The following DAPK1 variants were observed in gnomAD, a reference collection of about 807,000 sequenced individuals.
The protein encoded by DAPK1 is death associated protein kinase 1, also known as death-associated protein kinase 1.
A neutral mutation model predicts 144.9 loss-of-function variants in DAPK1; 56 were observed. The observed-to-expected ratio is 0.39, with a 90% CI of 0.31 to 0.48. The LOEUF (loss-of-function observed/expected upper bound fraction) is 0.48. Ranked by LOEUF, DAPK1 falls within the 20% of genes least tolerant of loss-of-function variation. DAPK1 has a pLI of 0.95. For missense variants in DAPK1, 1,454 were observed against 1,875.4 expected, an observed-to-expected ratio of 0.78 and a Z score of 4.15; for synonymous variants, 690 against 749.0, an observed-to-expected ratio of 0.92 and a Z score of 1.29.
intron 2 of DAPK1, among the ~76,000 whole-genome samples, chr9:87,525,087 G>T (rs1480380398): frequency 1.3e-5 from 2 of 152,274 alleles, no homozygotes; most frequent in East Asian, 3.9e-4. Context: ...TGTGAACAGT[G>T]CACCCTGAGG....
Position 87,642,005 on chromosome 9 carries a change from T to C in DAPK1, c.865T>C (p.Ser289Pro). Residue 289 changes from serine (S) to proline (P), a missense_variant, in exon 10 of 26, where the codon TCA (serine) becomes CCA (proline). This residue lies in a region of DAPK1 where 429 missense variants were observed against 637.5 expected (regional missense o/e 0.67). Coordinates refer to ENST00000408954, the MANE Select transcript of DAPK1 (RefSeq NM_004938.4). ...DTQQALSRKA[S>P]AVNMEKFKKF... is the part of the protein sequence containing the mutation. ...ACAACAGGCACTTAGTAGAAAAGCATCAGCAGTAAACATGGAGAAATTCAA... is the reference window on the plus strand; with the variant it reads ...ACAACAGGCACTTAGTAGAAAAGCACCAGCAGTAAACATGGAGAAATTCAA... 2 of 1,614,108 alleles carry C rather than the reference T, an allele frequency of 1.2e-6. No homozygotes were observed. The highest frequency in any genetic ancestry group is 1.7e-6 in the Non-Finnish European group (2 of 1,180,000).
intron 10 of DAPK1, 113 bp downstream of exon 10, chr9:87,642,171 C>A: frequency 2.6e-6 from 2 of 775,140 alleles, no homozygotes; most frequent in Non-Finnish European, 4.2e-6. Context: ...ATCCTTTCCT[C>A]TTTTTAATCC....
rs1830255314 is a variant in DAPK1, at chr9:87,646,011, C to T, written c.1128C>T (p.Asn376=). The T allele has an allele frequency of 6.2e-7, 1 of 1,613,910 alleles. No individual in the cohort carries two copies. Among genetic ancestry groups the T allele is most frequent in the East Asian group, 2.2e-5 (1 of 44,884 alleles). Residue 376 remains asparagine (N), a synonymous_variant, in exon 12 of 26, where the codon AAC becomes AAT. Coordinates refer to ENST00000408954, the MANE Select transcript of DAPK1 (RefSeq NM_004938.4). ...CCAACTATGATGTTAACCAACCCAA[C>T]AAGGTCTGGTTCTGTTCTGCCGCAT... ...SLSNYDVNQP[N]KHGTPPLLIA... is the part of the protein sequence containing the mutation.
At chr9:87,600,877 G>T (rs1208667339) in intron 2 of DAPK1, among the ~76,000 whole-genome samples, 1 of 152,182 alleles carries the variant, frequency 6.6e-6, no homozygotes, top group Non-Finnish European at 1.5e-5. Context: ...GCGTGGTTGT[G>T]GCAGTGGCCT....
chr9:87,525,186 G>T, intron 2 of DAPK1: 1 of 744,916 alleles, frequency 1.3e-6, no homozygotes, highest in Non-Finnish European at 2.3e-6. Flanking sequence ...CTGTGTGTTT[G>T]GATGAGTACC....
chr9:87,669,390 GTAA>G (rs1279884874), intron 19 of DAPK1, among the ~76,000 whole-genome samples: 2 of 151,858 alleles, frequency 1.3e-5, no homozygotes, highest in African/African-American at 4.8e-5. Flanking sequence ...TTGTATATAG[GTAA>G]TAATCTCTAC....
chr9:87,583,415 A>T lies in DAPK1; in HGVS notation c.63-21539A>T, dbSNP rs570468315. 3.9e-5 allele frequency among the ~76,000 whole-genome samples: 6 copies of T among 152,354 alleles called. No individual in the cohort carries two copies. The East Asian group carries it at 1.2e-3, about 29-fold the overall frequency. ...CTCAGCACTCTACCCTCAAATGCGTACAGCAAATGTAACGAGCCCCAAGCA... is the reference window on the plus strand; with the variant it reads ...CTCAGCACTCTACCCTCAAATGCGTTCAGCAAATGTAACGAGCCCCAAGCA... On this transcript the variant is annotated intron_variant, in intron 2 of 25. Coordinates refer to ENST00000408954, the MANE Select transcript of DAPK1 (RefSeq NM_004938.4).
At chr9:87,529,178 A>G (rs1274366268) in intron 2 of DAPK1, among the ~76,000 whole-genome samples, 1 of 152,204 alleles carries the variant, frequency 6.6e-6, no homozygotes, top group Non-Finnish European at 1.5e-5. Flanking sequence ...TGATCTCTCA[A>G]GTCGCCTCCT....
intron 14 of DAPK1, among the ~76,000 whole-genome samples, chr9:87,648,337 G>T (rs1361955959): frequency 1.3e-5 from 2 of 152,224 alleles, no homozygotes; most frequent in Admixed American, 6.5e-5. Context: ...AAATCTCTGA[G>T]AATATAAGAA....
chr9:87,605,128 G>C lies in DAPK1; in HGVS notation c.237G>C (p.Leu79=), dbSNP rs1007211513. ...KEIQHPNVIT[L]HEVYENKTDV... ...TCCAGCACCCCAATGTCATCACCCT[G>C]CACGAGGTCTATGAGAACAAGACGG... The change falls in exon 3 of 26, where the codon CTG becomes CTC. Residue 79 remains leucine (L), a synonymous_variant. Coordinates refer to ENST00000408954, the MANE Select transcript of DAPK1 (RefSeq NM_004938.4). 1.2e-6 allele frequency: 2 copies of C among 1,614,090 alleles called. No homozygotes were observed. The highest frequency in any genetic ancestry group is 2.7e-5 in the African/African-American group (2 of 74,930).
Position 87,668,597 on chromosome 9 carries a change from G to T in DAPK1, c.1924G>T (p.Asp642Tyr), listed in dbSNP as rs1412477610. Residue 642 changes from aspartate (D) to tyrosine (Y), a missense_variant and splice_region_variant, in exon 19 of 26, where the codon GAC (aspartate) becomes TAC (tyrosine). Asp to Tyr is a radical substitution (Grantham distance 160). Transcript: ENST00000408954. Reference protein sequence around the residue: ...MGASVEALTTDGKTAEDLARS... With the variant: ...MGASVEALTTYGKTAEDLARS... Reference sequence around the variant, plus strand: ...AAACTAATGCATTTTTCTCCAACAGGACGGAAAGACGGCAGAAGATCTTGC... The same window carrying T: ...AAACTAATGCATTTTTCTCCAACAGTACGGAAAGACGGCAGAAGATCTTGC... 1 of 1,366,592 alleles carries T rather than the reference G, an allele frequency of 7.3e-7. No individual in the cohort carries two copies. Among genetic ancestry groups the T allele is most frequent in the East Asian group, 2.3e-5 (1 of 43,722 alleles). 84.7% of individuals were successfully genotyped at this position (1,366,592 alleles called of 1,614,324 possible).
At chr9:87,584,778 C>G (rs1827886327) in intron 2 of DAPK1, among the ~76,000 whole-genome samples, 1 of 152,028 alleles carries the variant, frequency 6.6e-6, no homozygotes, top group Admixed American at 6.6e-5. Flanking sequence ...CTGGGTTCAA[C>G]TGATTCTCCT....
chr9:87,541,491 G>A (rs1200591825), intron 2 of DAPK1, among the ~76,000 whole-genome samples: 1 of 151,684 alleles, frequency 6.6e-6, no homozygotes, highest in African/African-American at 2.4e-5. Flanking sequence ...AAAGATTGCG[G>A]TGAGTGGAGA....
At position 87,571,468 on chromosome 9, in the gene DAPK1, C is replaced by CCA. The variant is rs1292783601; in HGVS notation, c.63-33486_63-33485insCA. Among the ~76,000 whole-genome samples the CCA allele has an allele frequency of 9.3e-4, 53 of 56,884 alleles. 4 individuals carry two copies. The highest frequency in any genetic ancestry group is 7.7e-3 in the Admixed American group (44 of 5,692). The allele number at this position is 56,884 out of a possible 152,430, so 37.3% of individuals were successfully genotyped here. ...ACACACACACACACACACACACACACACACACCAACACACACACACACACA... is the reference window on the plus strand; with the variant it reads ...ACACACACACACACACACACACACACCAACACACCAACACACACACACACACA... On this transcript the variant is annotated intron_variant, in intron 2 of 25. Coordinates refer to ENST00000408954, the MANE Select transcript of DAPK1 (RefSeq NM_004938.4).
intron 19 of DAPK1, among the ~76,000 whole-genome samples, chr9:87,670,816 C>G (rs2119286662): frequency 6.6e-6 from 1 of 152,304 alleles, no homozygotes; most frequent in Non-Finnish European, 1.5e-5. Flanking sequence ...GGCGGACACT[C>G]AGCTGCAGCA....
At chr9:87,529,844 T>C (rs995224543) in intron 2 of DAPK1, among the ~76,000 whole-genome samples, 5 of 152,204 alleles carry the variant, frequency 3.3e-5, no homozygotes, top group African/African-American at 1.2e-4. Flanking sequence ...TGTTCTGTTG[T>C]TCTGTGGTCA....
chr9:87,632,806 A>T, intron 3 of DAPK1: 1 of 981,244 alleles, frequency 1.0e-6, no homozygotes, highest in Non-Finnish European at 1.2e-6. Context: ...ATATGTAGGG[A>T]TGAAGGAGGT....
intron 3 of DAPK1, among the ~76,000 whole-genome samples, chr9:87,636,827 A>C (rs1259484682): frequency 1.3e-5 from 2 of 152,202 alleles, no homozygotes; most frequent in Non-Finnish European, 2.9e-5. Flanking sequence ...AGATTAACTT[A>C]TAAAAACTCT....
At position 87,582,412 on chromosome 9, in the gene DAPK1, A is replaced by G. The variant is rs371029445; in HGVS notation, c.63-22542A>G. ...GAATGACAGTCTTCACTGCTCTTCA[A>G]TACGGTGCTCAAGACTTAAAACGTG... On this transcript the variant is annotated intron_variant, in intron 2 of 25. Coordinates refer to ENST00000408954, the MANE Select transcript of DAPK1 (RefSeq NM_004938.4). Among the ~76,000 whole-genome samples, 12 of 152,296 alleles carry G rather than the reference A, an allele frequency of 7.9e-5. No homozygotes were observed. In the East Asian group the frequency reaches 1.4e-3, roughly 17 times the overall value.
Sources: allele counts gnomAD v4.1 joint callset (sites outside exome capture counted in the v4.1 genomes callset), GRCh38; gene constraint gnomAD v4.1.1; regional missense constraint gnomAD v4.1.1; transcripts MANE v1.5; gene names NCBI Gene and HGNC (gene_info 2026-07-23, HGNC 2026-07-21).